MYO16: variants seen among roughly 807,000 people sequenced by gnomAD.
MYO16 encodes unconventional myosin-XVI.
MYO16 carries 94 observed loss-of-function variants against 205.3 expected under a neutral mutation model. The ratio of observed to expected loss-of-function variants is 0.46; its 90% CI spans 0.39 to 0.54. MYO16 has a LOEUF of 0.54. Ranked by LOEUF, MYO16 falls within the 20% of genes least tolerant of loss-of-function variation. MYO16 has a pLI of 0.00. For missense variants in MYO16, 2,315 were observed against 2,387.5 expected, an observed-to-expected ratio of 0.97 and a Z score of 0.63; for synonymous variants, 988 against 954.0, an observed-to-expected ratio of 1.04 and a Z score of -0.66.
intron 4 of MYO16, among the ~76,000 whole-genome samples, chr13:108,735,557 G>A (rs1254764403): frequency 1.3e-5 from 2 of 151,804 alleles, no homozygotes; most frequent in Non-Finnish European, 2.9e-5. Context: ...GGACATTTGG[G>A]TTGGTTCCAA....
intron 4 of MYO16, among the ~76,000 whole-genome samples, chr13:108,728,814 T>A (rs1291007755): frequency 6.6e-6 from 1 of 152,214 alleles, no homozygotes; most frequent in Non-Finnish European, 1.5e-5. Context: ...GCATAGCTTT[T>A]TTCTGGAAAA....
the MYO16 span, among the ~76,000 whole-genome samples, chr13:108,588,079 T>C: frequency 6.6e-6 from 1 of 152,220 alleles, no homozygotes; most frequent in African/African-American, 2.4e-5. Flanking sequence ...TTCTTAGGAA[T>C]AACACCCTTT....
rs934756546 is a variant in MYO16 at position 108,665,762 on chromosome 13, T to A, written c.29-124T>A. 4.5e-5 allele frequency: 46 copies of A among 1,025,326 alleles called. No homozygotes were observed. The Admixed American group carries it at 5.2e-4, about 12-fold the overall frequency. 63.5% of individuals were successfully genotyped at this position (1,025,326 alleles called of 1,614,324 possible). A position where few individuals can be genotyped will look rare whatever the true frequency, so the allele number is the denominator to read the frequency against. On this transcript the variant is annotated intron_variant, in intron 1 of 34. Transcript: ENST00000457511. Reference sequence around the variant, plus strand: ...AGGGCTTTGGATTTGCAATATCAAGTGCAAGGAGAATTGTTGCATTTATGA... The same window carrying A: ...AGGGCTTTGGATTTGCAATATCAAGAGCAAGGAGAATTGTTGCATTTATGA...
At chr13:108,913,069 A>T (rs1881337700) in intron 16 of MYO16, among the ~76,000 whole-genome samples, 3 of 152,156 alleles carry the variant, frequency 2.0e-5, no homozygotes, top group Admixed American at 6.5e-5. Flanking sequence ...CACTTAGGCT[A>T]TTTAGAAAGT....
chr13:108,801,735 C>T (rs1440200207), intron 6 of MYO16, among the ~76,000 whole-genome samples: 3 of 152,130 alleles, frequency 2.0e-5, no homozygotes, highest in African/African-American at 7.2e-5. Context: ...TTATCATCTT[C>T]TCATCTTTTA....
chr13:108,637,692 T>C (rs1335857996), intron 1 of MYO16, among the ~76,000 whole-genome samples: 5 of 151,916 alleles, frequency 3.3e-5, no homozygotes, highest in Non-Finnish European at 5.9e-5. Flanking sequence ...CTGACCAACA[T>C]GGCAAAACCC....
intron 23 of MYO16, among the ~76,000 whole-genome samples, chr13:109,039,108 G>C (rs987395208): frequency 2.0e-5 from 3 of 152,194 alleles, no homozygotes; most frequent in Non-Finnish European, 4.4e-5. Context: ...TCTTCACCCA[G>C]AAATAATGAG....
chr13:109,019,635 A>C, intron 22 of MYO16, 76 bp from the exon 23 acceptor site: 13 of 1,120,938 alleles, frequency 1.2e-5, no homozygotes, highest in Non-Finnish European at 1.7e-5. Context: ...AATATAAGCA[A>C]GCATGCTTGA....
At chr13:108,937,602 C>CA (rs1402761712) in intron 16 of MYO16, among the ~76,000 whole-genome samples, 1 of 152,144 alleles carries the variant, frequency 6.6e-6, no homozygotes, top group Non-Finnish European at 1.5e-5. Context: ...TGTGTTAGCT[C>CA]AAAAGACTGG....
At chr13:108,687,530 C>G (rs542588848) in intron 2 of MYO16, among the ~76,000 whole-genome samples, 68 of 152,142 alleles carry the variant, frequency 4.5e-4, no homozygotes, top group Non-Finnish European at 2.4e-4. Flanking sequence ...GGGTTCTGCT[C>G]TGCATTCATT....
At chr13:109,174,114 T>TATAGGA in intron 33 of MYO16, among the ~76,000 whole-genome samples, 2 of 151,872 alleles carry the variant, frequency 1.3e-5, no homozygotes, top group South Asian at 4.2e-4. Context: ...ACTGTATTGG[T>TATAGGA]GTAGGAGTCA....
At position 108,886,752 on chromosome 13, in the gene MYO16, G is replaced by T. The variant is rs1180118949; in HGVS notation, c.1554-1620G>T. Among the ~76,000 whole-genome samples, 4 of 152,034 alleles carry T rather than the reference G, an allele frequency of 2.6e-5. No homozygotes were observed. In the East Asian group the frequency reaches 5.8e-4, roughly 22 times the overall value. ...TATCGGCACAAAACATCTGACGTAAGCACTCGTGGGGCGGGTCGGAGCTTC... is the reference window on the plus strand; with the variant it reads ...TATCGGCACAAAACATCTGACGTAATCACTCGTGGGGCGGGTCGGAGCTTC... On this transcript the variant is annotated intron_variant, in intron 13 of 34. Coordinates refer to ENST00000457511, the MANE Select transcript of MYO16 (RefSeq NM_001198950.3).
intron 12 of MYO16, among the ~76,000 whole-genome samples, chr13:108,872,458 G>A (rs902242604): frequency 2.6e-5 from 4 of 151,898 alleles, no homozygotes; most frequent in Admixed American, 1.3e-4. Flanking sequence ...CAGATAATAC[G>A]TTGTATTTGC....
chr13:108,516,675 C>CATTT, the MYO16 span, among the ~76,000 whole-genome samples: 1 of 152,122 alleles, frequency 6.6e-6, no homozygotes, highest in African/African-American at 2.4e-5. Flanking sequence ...ACTTTCATAG[C>CATTT]ATTTATTTAT....
chr13:108,738,913 A>G (rs1452093091), intron 4 of MYO16, among the ~76,000 whole-genome samples: 1 of 151,400 alleles, frequency 6.6e-6, no homozygotes, highest in Non-Finnish European at 1.5e-5. Context: ...GTCTCTTTTG[A>G]TCTTTGTTGG....
chr13:108,539,839 T>G, the MYO16 span, among the ~76,000 whole-genome samples: 1 of 152,258 alleles, frequency 6.6e-6, no homozygotes, highest in Admixed American at 6.5e-5. Flanking sequence ...TCATTTTGTC[T>G]TTGTTACTGG....
intron 20 of MYO16, among the ~76,000 whole-genome samples, chr13:108,974,551 T>G (rs1444619667): frequency 6.6e-6 from 1 of 152,204 alleles, no homozygotes; most frequent in Admixed American, 6.5e-5. Context: ...TCAATGTTGT[T>G]CATAGTCTCC....
In MYO16 at chr13:108,934,248, C is replaced by A. The variant is rs1882382310; in HGVS notation, c.1926-23440C>A. On this transcript the variant is annotated intron_variant, in intron 16 of 34. Transcript: ENST00000457511. ...CAAGCCCTTTTCTCCTCATCCTCAC[C>A]AATGTCTATTGTTTTTTGACTTTTT... is the stretch of plus-strand genomic sequence containing the variant. Among the ~76,000 whole-genome samples, 4 of 152,254 alleles carry A rather than the reference C, an allele frequency of 2.6e-5. No homozygotes were observed. In the South Asian group the frequency reaches 8.3e-4, roughly 32 times the overall value.
At chr13:109,131,452 C>CA (rs1161258712) in intron 31 of MYO16, among the ~76,000 whole-genome samples, 2 of 152,158 alleles carry the variant, frequency 1.3e-5, no homozygotes, top group African/African-American at 4.8e-5. Context: ...CTTTGTGCCT[C>CA]AAAAGCGTGA....
Sources: allele counts gnomAD v4.1 joint callset (sites outside exome capture counted in the v4.1 genomes callset), GRCh38; gene constraint gnomAD v4.1.1; transcripts MANE v1.5; gene names NCBI Gene and HGNC (gene_info 2026-07-23, HGNC 2026-07-21).